The following ADGRV1 variants were observed in gnomAD, a reference collection of about 807,000 sequenced individuals.
ADGRV1 encodes G-protein coupled receptor 98.
A neutral mutation model predicts 596.2 loss-of-function variants in ADGRV1; 359 were observed. That is an observed-to-expected ratio of 0.60 (90% CI 0.55 to 0.66). ADGRV1 has a LOEUF of 0.66. Among genes scored for constraint, ADGRV1 ranks in the 30% least tolerant of loss-of-function variants. ADGRV1 has a pLI of 0.00. For missense variants in ADGRV1, 7,274 were observed against 7,575.6 expected, an observed-to-expected ratio of 0.96 and a Z score of 1.48; for synonymous variants, 2,681 against 2,679.2, an observed-to-expected ratio of 1.00 and a Z score of -0.02.
intron 70 of ADGRV1, 86 bp downstream of exon 70, chr5:90,791,432 C>T (rs970708989): frequency 1.0e-6 from 1 of 997,202 alleles, no homozygotes; most frequent in South Asian, 1.7e-5. Context: ...AGTTTGAAAT[C>T]TTATTCAGGT....
intron 83 of ADGRV1, among the ~76,000 whole-genome samples, chr5:90,912,172 G>C (rs887317407): frequency 1.3e-5 from 2 of 151,964 alleles, no homozygotes; most frequent in African/African-American, 4.8e-5. Context: ...TGTTAGCAGG[G>C]GTATTTAAGG....
At chr5:91,035,083 C>T (rs1231311227) in intron 85 of ADGRV1, among the ~76,000 whole-genome samples, 2 of 152,166 alleles carry the variant, frequency 1.3e-5, no homozygotes, top group Non-Finnish European at 2.9e-5. Context: ...TTAAAGCTTC[C>T]TCTGTCATCT....
At chr5:90,867,913 C>T (rs182647991) in intron 83 of ADGRV1, among the ~76,000 whole-genome samples, 2 of 152,180 alleles carry the variant, frequency 1.3e-5, no homozygotes, top group East Asian at 1.9e-4. Context: ...AGTATGTAAG[C>T]GTTTAAGTAC....
chr5:90,788,148 C>T lies in ADGRV1; in HGVS notation c.13731C>T (p.Ser4577=), dbSNP rs376686611. The T allele has an allele frequency of 2.0e-5, 33 of 1,613,306 alleles. No individual in the cohort carries two copies. The highest frequency in any genetic ancestry group is 3.3e-4 in the Middle Eastern group (2 of 6,080). Reference sequence around the variant, plus strand: ...ATAGAGACATTGCAGACCCAGTGAGCGGGTTGTTCTATTTTGGAGAAGGAG... The same window carrying T: ...ATAGAGACATTGCAGACCCAGTGAGTGGGTTGTTCTATTTTGGAGAAGGAG... The part of the protein sequence containing the change: ...PQNRDIADPV[S]GLFYFGEGEG... The change falls in exon 68 of 90, where the codon AGC becomes AGT. Residue 4577 remains serine (S), a synonymous_variant. Transcript: ENST00000405460.
intron 85 of ADGRV1, among the ~76,000 whole-genome samples, chr5:90,994,693 G>A (rs1828179): frequency 6.6e-6 from 1 of 152,030 alleles, no homozygotes. Context: ...TTTTCTCTCA[G>A]GATTTGTTGT....
chr5:91,038,964 A>G (rs1785119524), intron 85 of ADGRV1, among the ~76,000 whole-genome samples: 1 of 152,128 alleles, frequency 6.6e-6, no homozygotes, highest in African/African-American at 2.4e-5. Context: ...AATGCTCCCC[A>G]TGTTGATTCT....
At chr5:90,665,602 T>G (rs1771207970) in intron 21 of ADGRV1, among the ~76,000 whole-genome samples, 1 of 150,856 alleles carries the variant, frequency 6.6e-6, no homozygotes, top group Non-Finnish European at 1.5e-5. Context: ...GTTTTTTGTG[T>G]CTCTATTTCC....
At chr5:91,098,009 G>A (rs1444446081) in intron 86 of ADGRV1, among the ~76,000 whole-genome samples, 1 of 151,902 alleles carries the variant, frequency 6.6e-6, no homozygotes, top group Non-Finnish European at 1.5e-5. Flanking sequence ...TGTTTTTAGG[G>A]CCTCCTTTTA....
At chr5:91,159,126 A>G (rs1796729545) in intron 89 of ADGRV1, among the ~76,000 whole-genome samples, 1 of 152,214 alleles carries the variant, frequency 6.6e-6, no homozygotes. Context: ...CTAAGGGGCA[A>G]GGAGGAGACC....
chr5:90,884,413 C>T (rs971711911), intron 83 of ADGRV1, among the ~76,000 whole-genome samples: 3 of 152,086 alleles, frequency 2.0e-5, no homozygotes, highest in African/African-American at 7.2e-5. Context: ...GAACCGTTAC[C>T]TCCTTTGACT....
intron 84 of ADGRV1, among the ~76,000 whole-genome samples, chr5:90,976,318 GTGTGTATATATA>G (rs1467420679): frequency 3.3e-5 from 4 of 120,790 alleles, no homozygotes; most frequent in Non-Finnish European, 5.1e-5. Flanking sequence ...GTGTGTGTGT[GTGTGTATATATA>G]TATATATATA....
chr5:91,066,275 C>T (rs1787876306), intron 85 of ADGRV1, among the ~76,000 whole-genome samples: 1 of 152,164 alleles, frequency 6.6e-6, no homozygotes, highest in Admixed American at 6.6e-5. Context: ...TCAAAAGCTA[C>T]TCTAACATGA....
chr5:90,657,701 A>G (rs1769619415), intron 20 of ADGRV1, among the ~76,000 whole-genome samples: 1 of 152,178 alleles, frequency 6.6e-6, no homozygotes, highest in Non-Finnish European at 1.5e-5. Context: ...TTTTAGTACA[A>G]AATATAAATC....
intron 85 of ADGRV1, among the ~76,000 whole-genome samples, chr5:91,023,811 A>G (rs1783824829): frequency 6.6e-6 from 1 of 152,114 alleles, no homozygotes; most frequent in South Asian, 2.1e-4. Flanking sequence ...AGGGAGTATC[A>G]CTAAAACGCT....
At chr5:90,595,705 A>G (rs1580387928) in intron 1 of ADGRV1, among the ~76,000 whole-genome samples, 1 of 109,876 alleles carries the variant, frequency 9.1e-6, no homozygotes, top group African/African-American at 3.7e-5. Context: ...CTGGCCAGGC[A>G]GAGGGGCTCC....
intron 87 of ADGRV1, among the ~76,000 whole-genome samples, chr5:91,132,129 C>G (rs1347038438): frequency 6.6e-6 from 1 of 151,652 alleles, no homozygotes; most frequent in African/African-American, 2.4e-5. Flanking sequence ...TTTTGGGGGT[C>G]TCTGTTCTGT....
rs572551727 is a variant in ADGRV1, at chr5:90,679,490, A to G, written c.5444-59A>G. 63 of 1,254,154 alleles carry G rather than the reference A, an allele frequency of 5.0e-5. No homozygotes were observed. The Middle Eastern group carries it at 7.5e-4, about 15-fold the overall frequency. The allele number at this position is 1,254,154 out of a possible 1,614,324, so 77.7% of individuals were successfully genotyped here. On this transcript the variant is annotated intron_variant, in intron 25 of 89. Coordinates refer to ENST00000405460, the MANE Select transcript of ADGRV1 (RefSeq NM_032119.4). ...GCTTGATATGTTTTAAGACCTCTCAATTTTCTCATTGTGTCAATGTGTGTT... is the reference window on the plus strand; with the variant it reads ...GCTTGATATGTTTTAAGACCTCTCAGTTTTCTCATTGTGTCAATGTGTGTT...
chr5:90,794,974 A>G (rs2438362), intron 70 of ADGRV1, among the ~76,000 whole-genome samples: 52,850 of 151,748 alleles, frequency 0.35, 14,181 homozygotes, highest in African/African-American at 0.75. Context: ...CCCCATAGTC[A>G]TCACAACCTA....
At chr5:90,746,677 A>T (rs184300155) in intron 52 of ADGRV1, among the ~76,000 whole-genome samples, 3 of 152,258 alleles carry the variant, frequency 2.0e-5, no homozygotes, top group Admixed American at 6.5e-5. Flanking sequence ...TAAGGTTACT[A>T]TGTTCTGCTC....
Sources: allele counts gnomAD v4.1 joint callset (sites outside exome capture counted in the v4.1 genomes callset), GRCh38; gene constraint gnomAD v4.1.1; transcripts MANE v1.5; gene names NCBI Gene and HGNC (gene_info 2026-07-23, HGNC 2026-07-21).